CENPQ: variants seen among roughly 807,000 people sequenced by gnomAD.
CENPQ encodes centromere protein Q.
CENPQ carries 27 observed loss-of-function variants against 36.6 expected under a neutral mutation model. The observed-to-expected ratio is 0.74, with a 90% confidence interval of 0.54 to 1.02. The LOEUF (loss-of-function observed/expected upper bound fraction) is 1.02. Among genes scored for constraint, CENPQ ranks in the 50% least tolerant of loss-of-function variants. CENPQ has a pLI of 0.00. For synonymous variants in CENPQ, 101 were observed against 101.7 expected (o/e 0.99, Z 0.04); for missense variants, 306 against 301.8 (o/e 1.01, Z -0.10).
At chr6:49,484,897 A>G (rs181826297) in intron 6 of CENPQ, among the ~76,000 whole-genome samples, 6 of 152,336 alleles carry the variant, frequency 3.9e-5, no homozygotes, top group Non-Finnish European at 8.8e-5. Flanking sequence ...TTGAAAGTAT[A>G]ATCATGGAGA....
intron 5 of CENPQ, among the ~76,000 whole-genome samples, chr6:49,473,594 A>G (rs1451710998): frequency 6.6e-6 from 1 of 152,214 alleles, no homozygotes; most frequent in East Asian, 1.9e-4. Flanking sequence ...CATCGATGCT[A>G]GGAAGAAACT....
At chr6:49,481,427 C>G (rs1768425921) in intron 6 of CENPQ, among the ~76,000 whole-genome samples, 1 of 152,108 alleles carries the variant, frequency 6.6e-6, no homozygotes, top group African/African-American at 2.4e-5. Context: ...CGGTGGGTTT[C>G]TGGTCTCACT....
chr6:49,465,252 A>G (rs1483358171), intron 1 of CENPQ, among the ~76,000 whole-genome samples: 1 of 152,206 alleles, frequency 6.6e-6, no homozygotes. Flanking sequence ...TGGGCTTAAA[A>G]TACTCAGTAA....
intron 3 of CENPQ, among the ~76,000 whole-genome samples, chr6:49,471,757 G>A (rs1172081387): frequency 6.6e-6 from 1 of 152,052 alleles, no homozygotes; most frequent in Non-Finnish European, 1.5e-5. Flanking sequence ...TCAATGAAAT[G>A]TTTAAAGAAT....
chr6:49,465,388 A>T (rs1455964860), intron 1 of CENPQ, among the ~76,000 whole-genome samples: 5 of 152,200 alleles, frequency 3.3e-5, no homozygotes, highest in African/African-American at 9.7e-5. Flanking sequence ...CATTGGCTTC[A>T]AGTCACCACC....
At chr6:49,483,827 C>T (rs1342624244) in intron 6 of CENPQ, among the ~76,000 whole-genome samples, 3 of 152,232 alleles carry the variant, frequency 2.0e-5, no homozygotes, top group Non-Finnish European at 4.4e-5. Flanking sequence ...GCTGAGGGAG[C>T]CAGCTCCAGC....
chr6:49,472,665 A>G (rs1233047009), intron 4 of CENPQ, 125 bp from the exon 5 acceptor site: 1 of 652,256 alleles, frequency 1.5e-6, no homozygotes, highest in African/African-American at 1.9e-5. Flanking sequence ...ATATGAAAGG[A>G]AAAGTGATTG....
intron 6 of CENPQ, among the ~76,000 whole-genome samples, 193 bp downstream of exon 6, chr6:49,481,273 G>A (rs1768422013): frequency 6.6e-6 from 1 of 152,166 alleles, no homozygotes; most frequent in Non-Finnish European, 1.5e-5. Context: ...CTCTAAAGTT[G>A]AAGTATTTCT....
intron 2 of CENPQ, among the ~76,000 whole-genome samples, chr6:49,470,562 C>T (rs1768105727): frequency 7.3e-6 from 1 of 137,476 alleles, no homozygotes; most frequent in South Asian, 2.2e-4. Context: ...GCAGAGGTTG[C>T]AGTGAACCGA....
At chr6:49,479,577 T>C (rs1768381557) in intron 5 of CENPQ, among the ~76,000 whole-genome samples, 1 of 152,170 alleles carries the variant, frequency 6.6e-6, no homozygotes, top group South Asian at 2.1e-4. Flanking sequence ...GTTTGGCAGA[T>C]TCTCAACTTA....
In CENPQ at chr6:49,480,970, ACT is replaced by A. The variant is rs768906493; in HGVS notation, c.370_371del (p.Leu124GlufsTer12). On this transcript the variant is annotated frameshift_variant, in exon 6 of 9. Transcript: ENST00000335783. LOFTEE classifies it high-confidence loss of function. ...CTTAAGATTGCTACAACAGTGTGAA[ACT>A]CTGAAAGTCCCTCCCAAAAAGATGG... ...LKKRLLQQCE[T>X]LKVPPKKMED... is the part of the protein sequence containing the mutation. 1 of 1,603,180 alleles carries A rather than the reference ACT, an allele frequency of 6.2e-7. No individual in the cohort carries two copies. The highest frequency in any genetic ancestry group is 1.1e-5 in the South Asian group (1 of 88,942).
chr6:49,488,780 G>T (rs1239652078), intron 8 of CENPQ, 96 bp downstream of exon 8: 12 of 918,768 alleles, frequency 1.3e-5, no homozygotes, highest in Non-Finnish European at 2.0e-5. Flanking sequence ...CTGCAATAAC[G>T]CAAGTCACAC....
intron 2 of CENPQ, among the ~76,000 whole-genome samples, chr6:49,470,543 AC>A (rs1397691399): frequency 6.7e-6 from 1 of 148,600 alleles, no homozygotes; most frequent in Non-Finnish European, 1.5e-5. Context: ...AATTGCTTGA[AC>A]CCGGGAGGCA....
At position 49,487,168 on chromosome 6, in the gene CENPQ, A is replaced by AAAAAAAAGATGGTCCTGAGTTG. The variant is rs541811843; in HGVS notation, c.478-1183_478-1182insAAAAAAGATGGTCCTGAGTTGA. On this transcript the variant is annotated intron_variant, in intron 6 of 8. Transcript: ENST00000335783. ...AACTCCATCTCAAAAAAAAAAAAAA[A>AAAAAAAAGATGGTCCTGAGTTG]ATAAAAAAAATAAAAACAGAGTCTG... 4.1e-5 allele frequency among the ~76,000 whole-genome samples: 3 copies of AAAAAAAAGATGGTCCTGAGTTG among 72,352 alleles called. 1 individual carries two copies. The highest frequency in any genetic ancestry group is 9.8e-5 in the Non-Finnish European group (3 of 30,496). The allele number at this position is 72,352 out of a possible 152,430, so 47.5% of individuals were successfully genotyped here.
At chr6:49,476,198 A>T (rs1278585403) in intron 5 of CENPQ, among the ~76,000 whole-genome samples, 3 of 152,196 alleles carry the variant, frequency 2.0e-5, no homozygotes, top group Non-Finnish European at 4.4e-5. Flanking sequence ...AGTAAACAAA[A>T]CACCATGGTA....
intron 5 of CENPQ, among the ~76,000 whole-genome samples, chr6:49,476,730 A>G (rs934144501): frequency 6.6e-6 from 1 of 152,226 alleles, no homozygotes; most frequent in Non-Finnish European, 1.5e-5. Flanking sequence ...TTTACAAGAA[A>G]AAAACAACCC....
At chr6:49,488,748 G>C in intron 8 of CENPQ, 64 bp downstream of exon 8, 3 of 1,360,330 alleles carry the variant, frequency 2.2e-6, no homozygotes. Flanking sequence ...TTTGGATTCA[G>C]ACCACAGCAA....
intron 3 of CENPQ, among the ~76,000 whole-genome samples, 169 bp from the exon 4 acceptor site, chr6:49,471,894 C>T (rs890528171): frequency 1.3e-5 from 2 of 152,078 alleles, no homozygotes; most frequent in Non-Finnish European, 2.9e-5. Context: ...TATTCAACAC[C>T]TGGGATGTTA....
At chr6:49,482,054 C>T (rs1768445796) in intron 6 of CENPQ, among the ~76,000 whole-genome samples, 1 of 152,186 alleles carries the variant, frequency 6.6e-6, no homozygotes, top group Non-Finnish European at 1.5e-5. Context: ...CCCCCCGCAG[C>T]CGCTGGCTTG....
Sources: gnomAD v4.1 joint callset for allele counts (sites outside exome capture counted in the v4.1 genomes callset) on GRCh38, gnomAD v4.1.1 for gene constraint, MANE v1.5 for transcripts, NCBI Gene and HGNC (gene_info 2026-07-23, HGNC 2026-07-21) for gene names.